H2AJ: variants seen among roughly 807,000 people sequenced by gnomAD.
H2AJ encodes H2A.J histone.
Under a neutral mutation model 7.9 loss-of-function variants are expected in H2AJ, and 3 were observed. The ratio of observed to expected loss-of-function variants is 0.38; its 90% CI spans 0.17 to 0.98. The LOEUF is 0.98. Among genes scored for constraint, H2AJ ranks in the 50% least tolerant of loss-of-function variants. The pLI is 0.39. For synonymous variants in H2AJ, 98 were observed against 85.7 expected (o/e 1.14, Z -0.79); for missense variants, 128 against 174.4 (o/e 0.73, Z 1.50).
At position 14,774,498 on chromosome 12, in the gene H2AJ, A is replaced by G. The variant is rs200034199; in HGVS notation, c.28A>G (p.Lys10Glu). The G allele has an allele frequency of 9.4e-6, 15 of 1,588,838 alleles. No homozygotes were observed. In the East Asian group the frequency reaches 3.1e-4, roughly 33 times the overall value. The part of the protein sequence containing the change: MSGRGKQGG[K>E]VRAKAKSRSS... ...GTCCGGTCGCGGGAAACAGGGCGGC[A>G]AAGTGCGAGCAAAGGCCAAATCCCG... The change falls in exon 1 of 1, where the codon AAA becomes GAA. Residue 10 changes from lysine to glutamate, a missense_variant. Physicochemically the swap from Lys to Glu is moderately conservative, Grantham distance 56 (BLOSUM62 1). Coordinates refer to ENST00000544848, the MANE Select transcript of H2AJ (RefSeq NM_177925.5).
At chr12:14,775,620 T>C, downstream of H2AJ, 2 of 356,116 alleles carry the variant, frequency 5.6e-6, no homozygotes, top group Non-Finnish European at 5.8e-6. Flanking sequence ...TGCATAACAT[T>C]GCAGCGCCTT....
downstream of H2AJ, chr12:14,776,011 T>C (rs1194752327): frequency 1.8e-5 from 3 of 167,182 alleles, no homozygotes; most frequent in African/African-American, 7.2e-5. Flanking sequence ...CTGCCCTTAA[T>C]TGACACTCCT....
chr12:14,775,352 G>C, downstream of H2AJ: 1 of 471,462 alleles, frequency 2.1e-6, no homozygotes, highest in South Asian at 1.5e-5. Flanking sequence ...GATACCGTCG[G>C]ATCGAGCTGA....
chr12:14,775,060 T>C (rs2195199), downstream of H2AJ: 369,694 of 653,190 alleles, frequency 0.57, 105,462 homozygotes, highest in Admixed American at 0.64. Context: ...CGGGGACATG[T>C]CGGATGGCCC....
downstream of H2AJ, chr12:14,776,938 G>A (rs6488710): frequency 2.0e-4 from 33 of 167,128 alleles, no homozygotes; most frequent in African/African-American, 7.7e-4. Context: ...TCCAGCTCTT[G>A]TTACATGATG....
Position 14,774,588 on chromosome 12 carries a change from T to TA in H2AJ, c.119dup (p.Tyr40Ter). 1 of 1,613,966 alleles carries TA rather than the reference T, an allele frequency of 6.2e-7. No homozygotes were observed. Among genetic ancestry groups the TA allele is most frequent in the South Asian group, 1.1e-5 (1 of 91,058 alleles). The stretch of plus-strand genomic sequence containing the variant: ...GCACAGACTGCTGCGCAAAGGGAAC[T>TA]ACGCGGAGCGAGTGGGCGCCGGGGC... ...RVHRLLRKGN[Y>*]AERVGAGAPV... Residue 40 changes from tyrosine (Y) to a stop codon, truncating the protein, a stop_gained and frameshift_variant, in exon 1 of 1, where the codon TAC becomes TAAC. Transcript: ENST00000544848. LOFTEE classifies it high-confidence loss of function.
downstream of H2AJ, chr12:14,776,569 C>T (rs1245600125): frequency 6.0e-6 from 1 of 167,066 alleles, no homozygotes. Flanking sequence ...AAAGTCATAA[C>T]ACCTGTTTTA....
At chr12:14,775,099 T>G, downstream of H2AJ, 1 of 564,252 alleles carries the variant, frequency 1.8e-6, no homozygotes, top group Non-Finnish European at 3.3e-6. Context: ...GGGAAACCCC[T>G]GGAGCAGGCA....
Position 14,774,782 on chromosome 12 carries a change from T to C in H2AJ, c.312T>C (p.Ala104=), listed in dbSNP as rs771398043. The part of the protein sequence containing the change: ...LNKLLGKVTI[A]QGGVLPNIQA... Reference sequence around the variant, plus strand: ...AGCTGCTGGGCAAAGTGACCATCGCTCAGGGCGGCGTCCTGCCCAACATCC... The same window carrying C: ...AGCTGCTGGGCAAAGTGACCATCGCCCAGGGCGGCGTCCTGCCCAACATCC... The change falls in exon 1 of 1, where the codon GCT becomes GCC. Residue 104 remains alanine (A), a synonymous_variant. Coordinates refer to ENST00000544848, the MANE Select transcript of H2AJ (RefSeq NM_177925.5). 1 of 1,614,146 alleles carries C rather than the reference T, an allele frequency of 6.2e-7. No homozygotes were observed. Among genetic ancestry groups the C allele is most frequent in the East Asian group, 2.2e-5 (1 of 44,868 alleles).
At chr12:14,775,180 T>G, downstream of H2AJ, 1 of 479,898 alleles carries the variant, frequency 2.1e-6, no homozygotes, top group Non-Finnish European at 4.2e-6. Flanking sequence ...CAGGGGAGGG[T>G]GGCCTGGAGG....
chr12:14,775,043 G>A, downstream of H2AJ: 1 of 722,852 alleles, frequency 1.4e-6, no homozygotes, highest in Non-Finnish European at 2.3e-6. Flanking sequence ...AGAGAGCTGT[G>A]TAGTCGCGGG....
At chr12:14,775,576 T>C, downstream of H2AJ, 1 of 374,060 alleles carries the variant, frequency 2.7e-6, no homozygotes, top group Non-Finnish European at 5.5e-6. Flanking sequence ...AAGTGAGTCA[T>C]GAGGTTGGAA....
chr12:14,777,429 G>A (rs1949655698), downstream of H2AJ: 1 of 167,008 alleles, frequency 6.0e-6, no homozygotes, highest in African/African-American at 2.4e-5. Context: ...TTTTCCTGCA[G>A]GGCCAGTCTT....
chr12:14,774,926 G>A lies in H2AJ; in HGVS notation c.*66G>A. 6.5e-7 allele frequency: 1 copy of A among 1,539,016 alleles called. No homozygotes were observed. The highest frequency in any genetic ancestry group is 1.2e-5 in the South Asian group (1 of 82,370). On this transcript the variant is annotated 3_prime_UTR_variant, in exon 1 of 1. Coordinates refer to ENST00000544848, the MANE Select transcript of H2AJ (RefSeq NM_177925.5). ...GCCCTTTTCATGGTCGTCCCGCAAT[G>A]CTTTTGAATGTGCTGGATGTCATGG...
downstream of H2AJ, chr12:14,775,783 T>C (rs1354909430): frequency 8.8e-6 from 2 of 228,118 alleles, no homozygotes; most frequent in East Asian, 1.3e-4. Flanking sequence ...TTAGGGGTTC[T>C]TACCCAACAA....
In H2AJ at chr12:14,774,598, G is replaced by C. The variant is rs955503054; in HGVS notation, c.128G>C (p.Arg43Pro). The change falls in exon 1 of 1, where the codon CGA (arginine) becomes CCA (proline). Residue 43 changes from arginine to proline, a missense_variant. Arg to Pro is a moderately radical substitution (Grantham distance 103, BLOSUM62 -2). Coordinates refer to ENST00000544848, the MANE Select transcript of H2AJ (RefSeq NM_177925.5). ...CTGCGCAAAGGGAACTACGCGGAGC[G>C]AGTGGGCGCCGGGGCGCCGGTGTAC... ...RLLRKGNYAE[R>P]VGAGAPVYLA... 4 of 1,614,074 alleles carry C rather than the reference G, an allele frequency of 2.5e-6. No individual in the cohort carries two copies. Among genetic ancestry groups the C allele is most frequent in the Non-Finnish European group, 3.4e-6 (4 of 1,180,004 alleles).
rs773329406 is a variant in H2AJ, at chr12:14,774,759, C to T, written c.289C>T (p.Leu97=). Residue 97 remains leucine (L), a synonymous_variant, in exon 1 of 1, where the codon CTG becomes TTG. Transcript: ENST00000544848. ...CCGCAACGACGAGGAGTTAAACAAG[C>T]TGCTGGGCAAAGTGACCATCGCTCA... ...AIRNDEELNK[L]LGKVTIAQGG... 7 of 1,614,222 alleles carry T rather than the reference C, an allele frequency of 4.3e-6. No individual in the cohort carries two copies. In the South Asian group the frequency reaches 7.7e-5, roughly 18 times the overall value.
At chr12:14,775,695 A>G, downstream of H2AJ, 1 of 309,282 alleles carries the variant, frequency 3.2e-6, no homozygotes, top group South Asian at 3.0e-5. Context: ...CTTCATAATG[A>G]TCCTGTCTTC....
At chr12:14,775,054 G>C (rs1046886529), downstream of H2AJ, 1 of 671,146 alleles carries the variant, frequency 1.5e-6, no homozygotes, top group African/African-American at 1.9e-5. Context: ...TAGTCGCGGG[G>C]ACATGTCGGA....
Sources: gnomAD v4.1 joint callset for allele counts on GRCh38, gnomAD v4.1.1 for gene constraint, MANE v1.5 for transcripts, NCBI Gene and HGNC (gene_info 2026-07-23, HGNC 2026-07-21) for gene names.